Variants in GSE1 observed in about 807,000 individuals in gnomAD.
GSE1 encodes Gse1 coiled-coil protein, also known as genetic suppressor element 1.
Under a neutral mutation model 112.6 loss-of-function variants are expected in GSE1, and 32 were observed. That is an observed-to-expected ratio of 0.28 (90% CI 0.21 to 0.38). The LOEUF (loss-of-function observed/expected upper bound fraction) is 0.38, where lower values mean the gene tolerates loss of function less well. Among genes scored for constraint, GSE1 ranks in the 10% least tolerant of loss-of-function variants. The probability of loss-of-function intolerance (pLI) is 1.00; values close to 1 mark genes in which losing one functional copy is unlikely to be tolerated. For synonymous variants in GSE1, 1,115 were observed against 735.6 expected (o/e 1.52, Z -8.35); for missense variants, 2,348 against 1,699.2 (o/e 1.38, Z -6.71).
intron 2 of GSE1, among the ~76,000 whole-genome samples, chr16:85,635,157 C>T (rs928249281): frequency 1.3e-5 from 2 of 152,220 alleles, no homozygotes; most frequent in African/African-American, 4.8e-5. Flanking sequence ...CTTCTCATTT[C>T]TGAATGTCTC....
rs551501189 is a variant in GSE1 at position 85,563,757 on chromosome 16, T to C, written c.37+7394T>C. ...GTGGGGTCAGGAAGTCACGGAACAT[T>C]GGACTTGGGAGGGACCTCAGAGGTC... On this transcript the variant is annotated intron_variant, in intron 1 of 2. Coordinates refer to the GSE1 transcript ENST00000635906. 1.6e-4 allele frequency among the ~76,000 whole-genome samples: 25 copies of C among 152,306 alleles called. No individual in the cohort carries two copies. In the South Asian group the frequency reaches 5.2e-3, roughly 32 times the overall value.
chr16:85,357,712 G>A (rs913970336), intron 2 of GSE1: 12 of 1,045,462 alleles, frequency 1.1e-5, no homozygotes, highest in Non-Finnish European at 1.4e-5. Context: ...AGGGATGGGG[G>A]CTCCCAGAGC....
At chr16:85,297,379 G>A (rs2045397571) in intron 1 of GSE1, among the ~76,000 whole-genome samples, 1 of 150,148 alleles carries the variant, frequency 6.7e-6, no homozygotes, top group South Asian at 2.1e-4. Context: ...GAGAAGCAAA[G>A]CATCTGTAAA....
In GSE1 at chr16:85,657,551, G is replaced by C. The variant is rs1567740730; in HGVS notation, c.1587G>C (p.Met529Ile). ...RQQVLEQHLD[M>I]GRPPVPAEAE... ...AGGTGCTGGAGCAGCACCTGGATAT[G>C]GGCCGGCCCCCGGTGCCGGCGGAGG... Residue 529 changes from methionine to isoleucine, a missense_variant, in exon 8 of 16, where the codon ATG (methionine) becomes ATC (isoleucine). Physicochemically the swap from Met to Ile is conservative, Grantham distance 10. Transcript: ENST00000253458. 6.3e-7 allele frequency: 1 copy of C among 1,586,678 alleles called. No homozygotes were observed. The highest frequency in any genetic ancestry group is 8.6e-7 in the Non-Finnish European group (1 of 1,165,816).
intron 1 of GSE1, among the ~76,000 whole-genome samples, chr16:85,606,316 T>TC (rs1231235863): frequency 1.3e-5 from 2 of 152,184 alleles, no homozygotes; most frequent in Non-Finnish European, 2.9e-5. Flanking sequence ...AAACCTGGCA[T>TC]CCCCACCCCA....
rs1598712343 is a variant in GSE1, at chr16:85,668,437, T to G, written c.3415+13T>G. 68 of 1,194,928 alleles carry G rather than the reference T, an allele frequency of 5.7e-5. No individual in the cohort carries two copies. The highest frequency in any genetic ancestry group is 6.7e-5 in the Non-Finnish European group (55 of 826,488). The allele number at this position is 1,194,928 out of a possible 1,614,324, so 74.0% of individuals were successfully genotyped here. On this transcript the variant is annotated intron_variant, in intron 14 of 15. Transcript: ENST00000253458. ...GAACACATAGAAGGTAAGGGGGTGCTGGGGAAGAGGGGGGAGGGGGTCAGG... is the reference window on the plus strand; with the variant it reads ...GAACACATAGAAGGTAAGGGGGTGCGGGGGAAGAGGGGGGAGGGGGTCAGG...
chr16:85,444,498 G>A (rs1483124286), intron 2 of GSE1, among the ~76,000 whole-genome samples: 4 of 152,150 alleles, frequency 2.6e-5, no homozygotes, highest in Non-Finnish European at 5.9e-5. Flanking sequence ...AGGCAACACC[G>A]GACAGCCTGA....
At chr16:85,589,089 C>T (rs910757979) in intron 1 of GSE1, among the ~76,000 whole-genome samples, 11 of 152,100 alleles carry the variant, frequency 7.2e-5, no homozygotes, top group Non-Finnish European at 1.5e-4. Flanking sequence ...CCGGGATCCC[C>T]GTGTACCCGC....
At chr16:85,402,241 A>G (rs4783195) in intron 2 of GSE1, among the ~76,000 whole-genome samples, 143,792 of 152,242 alleles carry the variant, frequency 0.94, 68,252 homozygotes, top group Non-Finnish European at 1. Context: ...TACTGAAGCC[A>G]GAGCGGCCTG....
chr16:85,387,382 C>T (rs539767415), intron 2 of GSE1, among the ~76,000 whole-genome samples: 12 of 152,342 alleles, frequency 7.9e-5, no homozygotes, highest in East Asian at 1.9e-4. Context: ...CAACCCCCCA[C>T]GCATGCTGAA....
At chr16:85,269,230 C>T (rs61556066) in intron 1 of GSE1, among the ~76,000 whole-genome samples, 2,504 of 149,546 alleles carry the variant, frequency 0.017, 109 homozygotes, top group African/African-American at 0.057. Flanking sequence ...CTTTGATTGA[C>T]GGGAGGTGGC....
intron 1 of GSE1, among the ~76,000 whole-genome samples, chr16:85,213,385 G>A (rs949651496): frequency 6.6e-6 from 1 of 152,122 alleles, no homozygotes; most frequent in African/African-American, 2.4e-5. Context: ...CTCGGGAGGT[G>A]GAGACTGTAG....
chr16:85,648,647 A>G lies in GSE1; in HGVS notation c.322A>G (p.Ile108Val). Residue 108 changes from isoleucine (I) to valine (V), a missense_variant, in exon 3 of 16, where the codon ATC becomes GTC. Coordinates refer to ENST00000253458, the MANE Select transcript of GSE1 (RefSeq NM_014615.5). ...ACCCAAGCGCGTGCCCATGGGCCCT[A>G]TCATCGTCCCCCCTGGGGGCCACAG... is the stretch of plus-strand genomic sequence containing the variant. ...STPKRVPMGPIIVPPGGHSVP... is the reference protein window; with the variant it reads ...STPKRVPMGPVIVPPGGHSVP... 1.9e-6 allele frequency: 3 copies of G among 1,600,676 alleles called. No homozygotes were observed. The highest frequency in any genetic ancestry group is 4.5e-5 in the East Asian group (2 of 44,528).
intron 2 of GSE1, among the ~76,000 whole-genome samples, chr16:85,537,748 T>C (rs1295304729): frequency 1.3e-5 from 2 of 152,170 alleles, no homozygotes; most frequent in East Asian, 1.9e-4. Flanking sequence ...GCGAGAAAGA[T>C]GAATGAAGGA....
chr16:85,564,516 C>T, intron 1 of GSE1, among the ~76,000 whole-genome samples: 1 of 152,108 alleles, frequency 6.6e-6, no homozygotes, highest in East Asian at 1.9e-4. Flanking sequence ...AAGGCTGTGT[C>T]CAAGAAGGCC....
At chr16:85,538,142 A>C (rs539758008) in intron 2 of GSE1, among the ~76,000 whole-genome samples, 10 of 152,338 alleles carry the variant, frequency 6.6e-5, no homozygotes, top group Non-Finnish European at 1.5e-4. Context: ...GGGAGAAGAG[A>C]GGCACGCTGG....
chr16:85,221,954 G>T (rs1452328118), intron 1 of GSE1, among the ~76,000 whole-genome samples: 1 of 152,174 alleles, frequency 6.6e-6, no homozygotes, highest in East Asian at 1.9e-4. Context: ...CGCCCCACAG[G>T]GTCACCGGTG....
At chr16:85,331,346 T>A (rs2046337068) in intron 1 of GSE1, among the ~76,000 whole-genome samples, 1 of 134,070 alleles carries the variant, frequency 7.5e-6, no homozygotes, top group Non-Finnish European at 1.6e-5. Flanking sequence ...TGTGTGTGTG[T>A]GTGTGTGTGT....
At chr16:85,602,833 A>G (rs552915234) in intron 1 of GSE1, among the ~76,000 whole-genome samples, 14 of 152,286 alleles carry the variant, frequency 9.2e-5, no homozygotes, top group African/African-American at 2.9e-4. Flanking sequence ...CCAGCGATGT[A>G]CCCGGTTACA....
Sources: allele counts gnomAD v4.1 joint callset (sites outside exome capture counted in the v4.1 genomes callset), GRCh38; gene constraint gnomAD v4.1.1; transcripts MANE v1.5; gene names NCBI Gene and HGNC (gene_info 2026-07-23, HGNC 2026-07-21).